FYN: variants seen among roughly 807,000 people sequenced by gnomAD.
The protein encoded by FYN is tyrosine-protein kinase Fyn.
Under a neutral mutation model 70.2 loss-of-function variants are expected in FYN, and 10 were observed. That is an observed-to-expected ratio of 0.14 (90% CI 0.09 to 0.24). FYN has a LOEUF of 0.24. Among genes scored for constraint, FYN ranks in the 10% least tolerant of loss-of-function variants. The pLI is 1.00. For missense variants in FYN, 319 were observed against 673.1 expected (o/e 0.47, Z 5.82); for synonymous variants, 236 against 248.6 (o/e 0.95, Z 0.48).
At chr6:111,717,427 C>T (rs1032022389) in intron 4 of FYN, among the ~76,000 whole-genome samples, 1 of 152,036 alleles carries the variant, frequency 6.6e-6, no homozygotes, top group Non-Finnish European at 1.5e-5. Flanking sequence ...CTTCAGAGTG[C>T]CTGCTATGAC....
chr6:111,723,730 T>G (rs1031432395), intron 3 of FYN, among the ~76,000 whole-genome samples: 1 of 152,242 alleles, frequency 6.6e-6, no homozygotes, highest in South Asian at 2.1e-4. Flanking sequence ...TGATCATTCA[T>G]GCTAAAATAA....
chr6:111,859,755 C>T (rs1773911066), intron 1 of FYN, among the ~76,000 whole-genome samples: 1 of 152,102 alleles, frequency 6.6e-6, no homozygotes, highest in South Asian at 2.1e-4. Flanking sequence ...ATAGTGGGTT[C>T]AATGGTGCCA....
At chr6:111,670,137 C>T (rs1308776383) in intron 13 of FYN, among the ~76,000 whole-genome samples, 1 of 152,174 alleles carries the variant, frequency 6.6e-6, no homozygotes, top group Non-Finnish European at 1.5e-5. Flanking sequence ...CCCCTCACTT[C>T]CCACCTCACT....
intron 2 of FYN, among the ~76,000 whole-genome samples, chr6:111,799,557 ATAC>A (rs1452889797): frequency 6.6e-6 from 1 of 152,234 alleles, no homozygotes; most frequent in African/African-American, 2.4e-5. Context: ...TCCCAGATAC[ATAC>A]TACTAATTTC....
intron 3 of FYN, among the ~76,000 whole-genome samples, chr6:111,777,669 A>T (rs1771005410): frequency 6.6e-6 from 1 of 152,188 alleles, no homozygotes; most frequent in African/African-American, 2.4e-5. Context: ...CCACTGCTCT[A>T]TGTATTTACG....
intron 1 of FYN, among the ~76,000 whole-genome samples, chr6:111,847,316 C>T (rs1009506538): frequency 6.6e-6 from 1 of 152,204 alleles, no homozygotes; most frequent in African/African-American, 2.4e-5. Context: ...CTTTAAAGTG[C>T]CAGGAGCAGG....
chr6:111,678,685 A>T (rs377745998), intron 12 of FYN, among the ~76,000 whole-genome samples: 5 of 152,240 alleles, frequency 3.3e-5, no homozygotes, highest in African/African-American at 9.6e-5. Flanking sequence ...AACATCCAAA[A>T]TTTATCTTCC....
intron 12 of FYN, among the ~76,000 whole-genome samples, chr6:111,677,545 C>T (rs985061712): frequency 6.6e-6 from 1 of 152,096 alleles, no homozygotes; most frequent in Non-Finnish European, 1.5e-5. Context: ...GTGTAAAATC[C>T]CAGTCTATGA....
In FYN at chr6:111,787,156, A is replaced by G. The variant is rs184852552; in HGVS notation, c.-81-6521T>C. ...GTCCTCGCTCATGCCTATGTCCTGA[A>G]TGGTATTGCCTAGGTTTTCTTCTAG... On this transcript the variant is annotated intron_variant, in intron 2 of 13. Coordinates refer to ENST00000354650, the MANE Select transcript of FYN (RefSeq NM_002037.5). Among the ~76,000 whole-genome samples the G allele has an allele frequency of 7.9e-5, 12 of 152,268 alleles. No individual in the cohort carries two copies. The East Asian group carries it at 2.3e-3, about 29-fold the overall frequency.
At chr6:111,866,963 T>C (rs1388894925) in intron 1 of FYN, among the ~76,000 whole-genome samples, 1 of 152,152 alleles carries the variant, frequency 6.6e-6, no homozygotes, top group Non-Finnish European at 1.5e-5. Context: ...CAGTGCTAAA[T>C]CCAACTGCAT....
At chr6:111,727,843 G>A (rs967951395) in intron 3 of FYN, among the ~76,000 whole-genome samples, 25 of 152,254 alleles carry the variant, frequency 1.6e-4, no homozygotes, top group African/African-American at 6.0e-4. Flanking sequence ...ATATTTTTGT[G>A]GGTCCCCATC....
rs1799951732 is a variant in FYN at position 111,703,904 on chromosome 6, T to C, written c.547+95A>G. 5.1e-6 allele frequency: 5 copies of C among 973,050 alleles called. No individual in the cohort carries two copies. The Admixed American group carries it at 5.9e-5, about 11-fold the overall frequency. The allele number at this position is 973,050 out of a possible 1,614,324, so 60.3% of individuals were successfully genotyped here. A position where few individuals can be genotyped will look rare whatever the true frequency, so the allele number is the denominator to read the frequency against. On this transcript the variant is annotated intron_variant, in intron 7 of 13. Transcript: ENST00000354650. ...CAAGGCAGGGAGGGTATGTGCCATT[T>C]TAAAATCCTTGTACATTAGAGATAA...
intron 12 of FYN, among the ~76,000 whole-genome samples, chr6:111,684,524 G>A (rs146995605): frequency 5.9e-5 from 9 of 152,264 alleles, no homozygotes; most frequent in South Asian, 2.1e-4. Flanking sequence ...TTTTGCAGTC[G>A]GGGAAGGATA....
At chr6:111,740,158 C>T (rs1049840131) in intron 3 of FYN, among the ~76,000 whole-genome samples, 1 of 152,254 alleles carries the variant, frequency 6.6e-6, no homozygotes, top group East Asian at 1.9e-4. Context: ...ATTGAAAATG[C>T]TCAGTTAAAT....
intron 2 of FYN, among the ~76,000 whole-genome samples, chr6:111,797,526 C>T (rs997199568): frequency 6.6e-6 from 1 of 151,218 alleles, no homozygotes; most frequent in African/African-American, 2.4e-5. Flanking sequence ...TATTTAACTG[C>T]ATAGTAATAG....
At chr6:111,778,944 T>C (rs993730664) in intron 3 of FYN, among the ~76,000 whole-genome samples, 1 of 152,030 alleles carries the variant, frequency 6.6e-6, no homozygotes, top group African/African-American at 2.4e-5. Context: ...CACCAAAGCA[T>C]ACAACTGCAT....
At chr6:111,736,083 T>C (rs1399357261) in intron 3 of FYN, among the ~76,000 whole-genome samples, 1 of 152,090 alleles carries the variant, frequency 6.6e-6, no homozygotes, top group Non-Finnish European at 1.5e-5. Flanking sequence ...GAATGCCCAC[T>C]GAAAAGGGCA....
chr6:111,833,692 G>A (rs1773092224), intron 2 of FYN, among the ~76,000 whole-genome samples: 1 of 151,906 alleles, frequency 6.6e-6, no homozygotes, highest in Non-Finnish European at 1.5e-5. Context: ...TCTTTCCTTT[G>A]TACTTGCCCT....
intron 12 of FYN, among the ~76,000 whole-genome samples, chr6:111,687,147 C>T (rs1799043619): frequency 6.6e-6 from 1 of 152,138 alleles, no homozygotes. Context: ...AATATGTTTT[C>T]TATGAAAGAA....
Sources: gnomAD v4.1 joint callset for allele counts (sites outside exome capture counted in the v4.1 genomes callset) on GRCh38, gnomAD v4.1.1 for gene constraint, MANE v1.5 for transcripts, NCBI Gene and HGNC (gene_info 2026-07-23, HGNC 2026-07-21) for gene names.